Variants in ACBD4 observed in about 807,000 individuals in gnomAD.
ACBD4 encodes the protein acyl-CoA-binding domain-containing protein 4.
Under a neutral mutation model 46.0 loss-of-function variants are expected in ACBD4, and 41 were observed. The observed-to-expected ratio is 0.89, with a 90% CI of 0.69 to 1.16. ACBD4 has a LOEUF of 1.16. Among genes scored for constraint, ACBD4 ranks in the 50% most tolerant of loss-of-function variants. The pLI is 0.00. For missense variants in ACBD4, 393 were observed against 399.5 expected (o/e 0.98, Z 0.14); for synonymous variants, 162 against 155.9 (o/e 1.04, Z -0.29).
chr17:45,135,964 G>GT lies in ACBD4; in HGVS notation c.-38+11_-38+12insT, dbSNP rs1196947324. On this transcript the variant is annotated intron_variant, in intron 1 of 9. Transcript: ENST00000321854. Reference sequence around the variant, plus strand: ...CCACACTGCCTTGAGGTAGGAAAAGGAGGCTCCTCAACCACAACTTCTGAC... The same window carrying GT: ...CCACACTGCCTTGAGGTAGGAAAAGGTAGGCTCCTCAACCACAACTTCTGAC... The GT allele has an allele frequency of 3.3e-6, 2 of 613,602 alleles. No homozygotes were observed. Among genetic ancestry groups the GT allele is most frequent in the Non-Finnish European group, 5.6e-6 (2 of 354,974 alleles). The allele number at this position is 613,602 out of a possible 1,614,324, so 38.0% of individuals were successfully genotyped here. A position where few individuals can be genotyped will look rare whatever the true frequency, so the allele number is the denominator to read the frequency against.
At chr17:45,143,046 A>G (rs1779770545) in intron 9 of ACBD4, 1 of 163,832 alleles carries the variant, frequency 6.1e-6, no homozygotes, top group South Asian at 1.8e-4. Context: ...CACTTCTCCA[A>G]GGAGCCTTGG....
In ACBD4 at chr17:45,135,696, C is replaced by A. The variant is rs757025569; in HGVS notation, c.-295C>A. 1.8e-4 allele frequency: 29 copies of A among 158,200 alleles called. No individual in the cohort carries two copies. The highest frequency in any genetic ancestry group is 3.8e-4 in the Admixed American group (6 of 15,918). The allele number at this position is 158,200 out of a possible 1,614,324, so 9.8% of individuals were successfully genotyped here. ...GCTGGACCCCGGGGTCAGTAGGAAG[C>A]CGCGGGGTGGTGGCGAGAGAGGACC... On this transcript the variant is annotated 5_prime_UTR_variant, in exon 1 of 10. Coordinates refer to ENST00000321854, the MANE Select transcript of ACBD4 (RefSeq NM_001135705.3).
intron 8 of ACBD4, chr17:45,138,602 C>A (rs1415764237): frequency 1.5e-5 from 3 of 200,090 alleles, no homozygotes; most frequent in Non-Finnish European, 3.1e-5. Context: ...ACCAGCCTGG[C>A]CAACATGGTG....
chr17:45,134,038 TA>T (rs1199575405), upstream of ACBD4, among the ~76,000 whole-genome samples: 1 of 152,260 alleles, frequency 6.6e-6, no homozygotes, highest in Admixed American at 6.5e-5. Flanking sequence ...GATACAGGTA[TA>T]AAATGTGTAA....
rs775157826 is a variant in ACBD4 at position 45,136,696 on chromosome 17, G to A, written c.214G>A (p.Ala72Thr). ...WDPIGRYKWD[A>T]WNSLGKMSRE... is the part of the protein sequence containing the mutation. ...CTCACAGCCCTCTGCCCCCAGGGAC[G>A]CCTGGAACAGTCTGGGCAAGATGAG... The change falls in exon 4 of 10, where the codon GCC becomes ACC. Residue 72 changes from alanine to threonine, a missense_variant. Physicochemically the swap from Ala to Thr is moderately conservative, Grantham distance 58. This residue lies in a region of ACBD4 where 24 missense variants were observed against 47.4 expected (regional missense o/e 0.51). Coordinates refer to ENST00000321854, the MANE Select transcript of ACBD4 (RefSeq NM_001135705.3). The A allele has an allele frequency of 1.2e-5, 20 of 1,613,954 alleles. No homozygotes were observed. Among genetic ancestry groups the A allele is most frequent in the Admixed American group, 1.7e-5 (1 of 60,004 alleles).
rs536829586 is a variant in ACBD4 at position 45,143,555 on chromosome 17, G to A, written c.902G>A (p.Arg301Gln). The A allele has an allele frequency of 4.3e-6, 7 of 1,614,028 alleles. No individual in the cohort carries two copies. The South Asian group carries it at 5.5e-5, about 13-fold the overall frequency. The change falls in exon 10 of 10, where the codon CGG becomes CAG. Residue 301 changes from arginine (R) to glutamine (Q), a missense_variant. Physicochemically the swap from Arg to Gln is conservative, Grantham distance 43. Transcript: ENST00000321854. ...FVVQWLFRMF[R>Q]TQKR ...GTCCAGTGGCTCTTCCGAATGTTTC[G>A]GACCCAAAAGAGGTGACTGTCAGTG...
Position 45,143,503 on chromosome 17 carries a change from C to G in ACBD4, c.850C>G (p.Leu284Val). 2 of 1,613,884 alleles carry G rather than the reference C, an allele frequency of 1.2e-6. No individual in the cohort carries two copies. Among genetic ancestry groups the G allele is most frequent in the African/African-American group, 2.7e-5 (2 of 75,070 alleles). ...CCTTGGGCTCCCGGGGCCCGCGCTGCTCTTCTTCCTCCTGTGGCCCTTCGT... is the reference window on the plus strand; with the variant it reads ...CCTTGGGCTCCCGGGGCCCGCGCTGGTCTTCTTCCTCCTGTGGCCCTTCGT... ...WPLGLPGPALLFFLLWPFVVQ... is the reference protein window; with the variant it reads ...WPLGLPGPALVFFLLWPFVVQ... Residue 284 changes from leucine to valine, a missense_variant, in exon 10 of 10, where the codon CTC becomes GTC. Transcript: ENST00000321854.
At position 45,137,963 on chromosome 17, in the gene ACBD4, C is replaced by G. The variant is rs918006056; in HGVS notation, c.624C>G (p.Asn208Lys). The change falls in exon 8 of 10, where the codon AAC becomes AAG. Residue 208 changes from asparagine (N) to lysine (K), a missense_variant. Asn to Lys is a moderately conservative substitution (Grantham distance 94). Transcript: ENST00000321854. ...AASGGKRDPR[N>K]SPVPPTKKEG... is the part of the protein sequence containing the mutation. ...CTGGAGGAAAGCGTGATCCCAGGAA[C>G]AGCCCCGTGCCCCCCACAAAGAAAG... The G allele has an allele frequency of 2.5e-6, 4 of 1,613,832 alleles. No individual in the cohort carries two copies. The highest frequency in any genetic ancestry group is 3.4e-6 in the Non-Finnish European group (4 of 1,179,990).
At chr17:45,133,919 G>A (rs1209566245), upstream of ACBD4, among the ~76,000 whole-genome samples, 1 of 151,970 alleles carries the variant, frequency 6.6e-6, no homozygotes, top group African/African-American at 2.4e-5. Flanking sequence ...TATTCTCCTG[G>A]TTTACCCTTT....
intron 6 of ACBD4, 39 bp downstream of exon 6, chr17:45,137,493 TG>T (rs903565882): frequency 5.7e-6 from 9 of 1,590,780 alleles, no homozygotes; most frequent in African/African-American, 4.0e-5. Context: ...AAACTCAGGC[TG>T]GGGGAGGGCT....
rs1021993398 is a variant in ACBD4 at position 45,137,146 on chromosome 17, C to T, written c.415+7C>T. On this transcript the variant is annotated splice_region_variant and intron_variant, in intron 5 of 9. Coordinates refer to ENST00000321854, the MANE Select transcript of ACBD4 (RefSeq NM_001135705.3). ...TTCCTGAGAAGGGTCACAGGTCAGA[C>T]TCCCAGGCTGGGAGCTCCAAAAGTG... The T allele has an allele frequency of 6.2e-6, 10 of 1,614,064 alleles. No individual in the cohort carries two copies. Among genetic ancestry groups the T allele is most frequent in the Admixed American group, 3.3e-5 (2 of 60,026 alleles).
intron 5 of ACBD4, 60 bp downstream of exon 5, chr17:45,137,199 G>A: frequency 6.2e-7 from 1 of 1,609,946 alleles, no homozygotes; most frequent in Non-Finnish European, 8.5e-7. Context: ...GGTCTAGGCT[G>A]AGGTGGGCTG....
chr17:45,132,882 A>G (rs1467701750), upstream of ACBD4: 2 of 152,706 alleles, frequency 1.3e-5, no homozygotes, highest in Non-Finnish European at 2.9e-5. This position sits in a 1 kb window ranked among gnomAD's most constrained non-coding sequence, Gnocchi z 4.6. Context: ...AGGCCTCAGC[A>G]GGGAACCAGA....
rs769988962 is a variant in ACBD4 at position 45,143,426 on chromosome 17, C to G, written c.790-17C>G. On this transcript the variant is annotated splice_polypyrimidine_tract_variant and intron_variant, in intron 9 of 9. Transcript: ENST00000321854. ...GAGGCCTGGACTGGCCTCTGACTCC[C>G]TCCCTCTTGGCTGCAGAGGCCGCAG... 6.3e-6 allele frequency: 10 copies of G among 1,595,470 alleles called. No homozygotes were observed. In the Admixed American group the frequency reaches 1.7e-4, roughly 28 times the overall value.
chr17:45,142,554 CTTTTTTT>C (rs531814036), intron 9 of ACBD4: 69 of 170,756 alleles, frequency 4.0e-4, no homozygotes, highest in South Asian at 1.2e-3. Context: ...CACAGTAATT[CTTTTTTT>C]TTTTTTTTTT....
chr17:45,137,662 C>A (rs1251767951), intron 6 of ACBD4, 98 bp from the exon 7 acceptor site: 27 of 1,436,290 alleles, frequency 1.9e-5, no homozygotes, highest in Non-Finnish European at 2.4e-5. Flanking sequence ...TGCCTCGTAT[C>A]TCTAGTGTCT....
At chr17:45,132,534 G>A (rs1273392568), upstream of ACBD4, 2 of 347,410 alleles carry the variant, frequency 5.8e-6, no homozygotes, top group Non-Finnish European at 9.3e-6. The surrounding 1 kb of genome is among the most constrained non-coding windows in gnomAD (Gnocchi z 4.6). Context: ...CGGCGCGGGA[G>A]GGAGTCGGAG....
chr17:45,143,704 C>A lies in ACBD4; in HGVS notation c.*133C>A. 1.3e-6 allele frequency: 2 copies of A among 1,484,132 alleles called. No homozygotes were observed. Among genetic ancestry groups the A allele is most frequent in the South Asian group, 2.5e-5 (2 of 80,972 alleles). 91.9% of individuals were successfully genotyped at this position (1,484,132 alleles called of 1,614,324 possible). ...TGCCTTCGCACCTCCTCCCCTAAAG[C>A]AGCGCGGGGGGCAAATAAGACCCCA... On this transcript the variant is annotated 3_prime_UTR_variant, in exon 10 of 10. Coordinates refer to ENST00000321854, the MANE Select transcript of ACBD4 (RefSeq NM_001135705.3).
At chr17:45,137,645 T>C in intron 6 of ACBD4, 115 bp from the exon 7 acceptor site, 2 of 1,375,780 alleles carry the variant, frequency 1.5e-6, no homozygotes, top group Non-Finnish European at 2.1e-6. Context: ...GGTGTTGATA[T>C]CTCTAGTGCC....
Sources: allele counts gnomAD v4.1 joint callset (sites outside exome capture counted in the v4.1 genomes callset), GRCh38; gene constraint gnomAD v4.1.1; regional missense constraint gnomAD v4.1.1; non-coding constraint Gnocchi (gnomAD v3.1); transcripts MANE v1.5; gene names NCBI Gene and HGNC (gene_info 2026-07-23, HGNC 2026-07-21).